Variants in COMMD1 observed in about 807,000 individuals in gnomAD.
COMMD1 encodes the protein COMM domain-containing protein 1.
In COMMD1, 10 loss-of-function variants were observed where a neutral mutation model predicts 17.2. The ratio of observed to expected loss-of-function variants is 0.58; its 90% CI spans 0.36 to 0.99. The LOEUF is 0.99. COMMD1 is among the 50% of genes least tolerant of loss of function. The pLI, the probability that COMMD1 is intolerant of heterozygous loss-of-function variation, is 0.01. For synonymous variants in COMMD1, 97 were observed against 91.6 expected (o/e 1.06, Z -0.34); for missense variants, 270 against 231.8 (o/e 1.17, Z -1.07).
At chr2:61,963,037 A>G (rs1573006779) in intron 1 of COMMD1, among the ~76,000 whole-genome samples, 1 of 151,506 alleles carries the variant, frequency 6.6e-6, no homozygotes, top group African/African-American at 2.4e-5. Context: ...GCACGCACCT[A>G]TAATCTCAGC....
chr2:61,974,950 C>G (rs866020562), intron 1 of COMMD1, among the ~76,000 whole-genome samples: 11 of 152,052 alleles, frequency 7.2e-5, no homozygotes, highest in Middle Eastern at 6.8e-3. Context: ...CTTCCTGAAC[C>G]CCTGGCAATC....
rs558613281 is a variant in COMMD1, at chr2:61,969,895, GT to G, written c.181-30798del. ...CTTCCTTGGTACAATCCAGCAATAT[GT>G]TTTTTTTCTTGCAATATTAAAAACC... On this transcript the variant is annotated intron_variant, in intron 1 of 2. Transcript: ENST00000311832. Among the ~76,000 whole-genome samples the G allele has an allele frequency of 1.3e-3, 195 of 151,764 alleles. 2 individuals carry two copies. Among genetic ancestry groups the G allele is most frequent in the African/African-American group, 4.6e-3 (189 of 41,364 alleles).
chr2:61,896,858 C>G (rs1669560460), intron 1 of COMMD1, among the ~76,000 whole-genome samples: 1 of 139,680 alleles, frequency 7.2e-6, no homozygotes, highest in Admixed American at 7.7e-5. Flanking sequence ...CAGTCTTGCT[C>G]TGTCGCCCAG....
intron 2 of COMMD1, among the ~76,000 whole-genome samples, chr2:62,050,827 A>G (rs1466101857): frequency 6.6e-6 from 1 of 152,206 alleles, no homozygotes; most frequent in Non-Finnish European, 1.5e-5. Context: ...GTCGAAGAAC[A>G]TGAACTTTTT....
chr2:61,912,703 C>A (rs928515836), intron 1 of COMMD1, among the ~76,000 whole-genome samples: 3 of 151,146 alleles, frequency 2.0e-5, no homozygotes, highest in African/African-American at 7.3e-5. Context: ...CCACTGCACT[C>A]CAGCCTGGCG....
At chr2:61,911,667 C>T (rs956933739) in intron 1 of COMMD1, among the ~76,000 whole-genome samples, 1 of 152,178 alleles carries the variant, frequency 6.6e-6, no homozygotes, top group Non-Finnish European at 1.5e-5. Context: ...CTTGCAACAG[C>T]ATATAGTGGC....
chr2:62,027,115 T>C (rs560715121), intron 2 of COMMD1, among the ~76,000 whole-genome samples: 1 of 152,330 alleles, frequency 6.6e-6, no homozygotes, highest in South Asian at 2.1e-4. Flanking sequence ...AAAAAATCAC[T>C]AGCCTAAAAG....
intron 2 of COMMD1, among the ~76,000 whole-genome samples, chr2:62,061,560 T>C (rs1357752193): frequency 8.1e-5 from 12 of 148,194 alleles, no homozygotes; most frequent in African/African-American, 2.0e-4. Flanking sequence ...TTTTCTTTTT[T>C]TTTTTTTTTT....
intron 1 of COMMD1, among the ~76,000 whole-genome samples, chr2:61,894,695 TAA>T (rs576368535): frequency 2.0e-5 from 3 of 149,698 alleles, no homozygotes; most frequent in Admixed American, 1.3e-4. Context: ...ATTTTTTAAT[TAA>T]AAAAAAAATT....
intron 2 of COMMD1, among the ~76,000 whole-genome samples, chr2:62,098,634 G>T (rs1166844047): frequency 2.0e-5 from 3 of 152,156 alleles, no homozygotes; most frequent in Admixed American, 6.5e-5. Context: ...TTTCAAACCT[G>T]ATATAAAAGT....
At chr2:61,894,329 T>G (rs1307730096) in intron 1 of COMMD1, among the ~76,000 whole-genome samples, 3 of 152,156 alleles carry the variant, frequency 2.0e-5, no homozygotes, top group Non-Finnish European at 4.4e-5. Flanking sequence ...CTTGAACTCC[T>G]GGTCTCAAGT....
intron 1 of COMMD1, among the ~76,000 whole-genome samples, chr2:61,994,241 C>T (rs1435127519): frequency 1.3e-5 from 2 of 152,152 alleles, no homozygotes; most frequent in Non-Finnish European, 2.9e-5. Flanking sequence ...CCCACCTCAG[C>T]CTCCCAAAGT....
At chr2:62,068,620 C>CTTTTTTTT (rs67517468) in intron 2 of COMMD1, among the ~76,000 whole-genome samples, 3 of 89,240 alleles carry the variant, frequency 3.4e-5, no homozygotes, top group African/African-American at 4.9e-5. Context: ...GTAGTATAAT[C>CTTTTTTTT]TTTTTTTTTT....
At chr2:61,988,587 G>T (rs7564539) in intron 1 of COMMD1, among the ~76,000 whole-genome samples, 23 of 152,166 alleles carry the variant, frequency 1.5e-4, no homozygotes, top group Non-Finnish European at 2.9e-4. Flanking sequence ...TTGAAGGAAG[G>T]AGTCTCTTTT....
chr2:62,036,839 C>T (rs1670053346), intron 2 of COMMD1, among the ~76,000 whole-genome samples: 2 of 152,102 alleles, frequency 1.3e-5, no homozygotes, highest in South Asian at 2.1e-4. Context: ...GTAAACTTAA[C>T]CTGCTTTTTG....
Position 62,089,775 on chromosome 2 carries a change from AT to A in COMMD1, c.463-46053del, listed in dbSNP as rs372075739. On this transcript the variant is annotated intron_variant, in intron 2 of 2. Transcript: ENST00000311832. ...GACTCCCAAGACTCCTTTGAAAGGA[AT>A]TTGGGCAAGATAAAAAAATGAGAGC... 2.9e-3 allele frequency among the ~76,000 whole-genome samples: 436 copies of A among 152,288 alleles called. 5 individuals are homozygous for A. Among genetic ancestry groups the A allele is most frequent in the African/African-American group, 0.01 (427 of 41,576 alleles).
chr2:61,944,281 GTC>G (rs1397905223), intron 1 of COMMD1, among the ~76,000 whole-genome samples: 2 of 151,856 alleles, frequency 1.3e-5, no homozygotes, highest in African/African-American at 4.8e-5. Flanking sequence ...GCAAGACCCT[GTC>G]TCTACAAAAA....
At chr2:61,996,456 C>T (rs1298857651) in intron 1 of COMMD1, among the ~76,000 whole-genome samples, 1 of 151,882 alleles carries the variant, frequency 6.6e-6, no homozygotes, top group Non-Finnish European at 1.5e-5. Context: ...TCTTAAATAA[C>T]ACAACAATGA....
chr2:61,960,799 C>G (rs1671321361), intron 1 of COMMD1, among the ~76,000 whole-genome samples: 2 of 152,210 alleles, frequency 1.3e-5, no homozygotes, highest in Admixed American at 1.3e-4. Flanking sequence ...GTTCTTTGCA[C>G]TCGTTCAGCC....
Sources: gnomAD v4.1 joint callset for allele counts (sites outside exome capture counted in the v4.1 genomes callset) on GRCh38, gnomAD v4.1.1 for gene constraint, MANE v1.5 for transcripts, NCBI Gene and HGNC (gene_info 2026-07-23, HGNC 2026-07-21) for gene names.